Variants in PPP2R2C observed in about 807,000 individuals in gnomAD.
PPP2R2C encodes the protein protein phosphatase 2 regulatory subunit Bgamma.
PPP2R2C carries 10 observed loss-of-function variants against 45.3 expected under a neutral mutation model. The observed-to-expected ratio is 0.22, with a 90% confidence interval of 0.14 to 0.37. The LOEUF (loss-of-function observed/expected upper bound fraction) is 0.37, where lower values mean the gene tolerates loss of function less well. Ranked by LOEUF, PPP2R2C falls within the 10% of genes least tolerant of loss-of-function variation. The pLI is 1.00. For missense variants in PPP2R2C, 308 were observed against 619.7 expected, an observed-to-expected ratio of 0.50 and a Z score of 5.34; for synonymous variants, 257 against 245.4, an observed-to-expected ratio of 1.05 and a Z score of -0.44.
intron 2 of PPP2R2C, among the ~76,000 whole-genome samples, chr4:6,509,634 T>A (rs1723362620): frequency 1.3e-5 from 2 of 152,218 alleles, no homozygotes. Context: ...AGCCACCCTT[T>A]CAGAGAGCTC....
intron 1 of PPP2R2C, among the ~76,000 whole-genome samples, chr4:6,418,683 C>G (rs1487529061): frequency 6.6e-6 from 1 of 152,218 alleles, no homozygotes; most frequent in Non-Finnish European, 1.5e-5. Flanking sequence ...CAGCCAGAGT[C>G]CTGTGCTCCC....
intron 1 of PPP2R2C, among the ~76,000 whole-genome samples, chr4:6,431,501 G>A (rs1397442535): frequency 6.6e-6 from 1 of 152,174 alleles, no homozygotes; most frequent in African/African-American, 2.4e-5. Flanking sequence ...CAGTCACCCT[G>A]GTTACTTTGT....
At chr4:6,449,476 T>G (rs951867194) in intron 1 of PPP2R2C, among the ~76,000 whole-genome samples, 1 of 152,222 alleles carries the variant, frequency 6.6e-6, no homozygotes, top group African/African-American at 2.4e-5. Context: ...AAATATGTGC[T>G]GGAGAGGAGT....
At chr4:6,356,529 A>AG (rs1713208891) in intron 5 of PPP2R2C, among the ~76,000 whole-genome samples, 1 of 152,164 alleles carries the variant, frequency 6.6e-6, no homozygotes, top group South Asian at 2.1e-4. Context: ...GCCGCTTGCT[A>AG]GCTATGTGTC....
chr4:6,396,975 A>G lies in PPP2R2C; in HGVS notation c.71-15881T>C, dbSNP rs146925956. Among the ~76,000 whole-genome samples the G allele has an allele frequency of 3.2e-3, 490 of 152,000 alleles. 2 individuals carry two copies. Among genetic ancestry groups the G allele is most frequent in the South Asian group, 0.018 (87 of 4,816 alleles). ...CTGATTTCCATGCTACCCACAGTTT[A>G]ACAACTGGCTCAAAAAATTCCTAAA... On this transcript the variant is annotated intron_variant, in intron 1 of 8. Transcript: ENST00000382599.
chr4:6,541,862 A>G (rs1385562314), intron 1 of PPP2R2C, among the ~76,000 whole-genome samples: 1 of 152,150 alleles, frequency 6.6e-6, no homozygotes, highest in Admixed American at 6.5e-5. Context: ...AAAAAAAGGG[A>G]GGAGGGGAAC....
At position 6,347,964 on chromosome 4, in the gene PPP2R2C, C is replaced by A; in HGVS notation, c.672G>T (p.Val224=). Reference sequence around the variant, plus strand: ...GCGGATGGAACTCAGATGCTGTGATCACCTCCGTAAGGTCCTCCATGTTGG... The same window carrying A: ...GCGGATGGAACTCAGATGCTGTGATAACCTCCGTAAGGTCCTCCATGTTGG... ...KPANMEDLTE[V]ITASEFHPHH... is the part of the protein sequence containing the mutation. The change falls in exon 6 of 9, where the codon GTG becomes GTT. Residue 224 remains valine (V), a synonymous_variant. Transcript: ENST00000382599. 1 of 1,614,078 alleles carries A rather than the reference C, an allele frequency of 6.2e-7. No homozygotes were observed. The highest frequency in any genetic ancestry group is 8.5e-7 in the Non-Finnish European group (1 of 1,180,008).
At chr4:6,357,973 C>T (rs376897935) in intron 5 of PPP2R2C, among the ~76,000 whole-genome samples, 4 of 152,184 alleles carry the variant, frequency 2.6e-5, no homozygotes, top group Admixed American at 6.5e-5. Context: ...CTTCACAGAA[C>T]TGGAAAAAAC....
At chr4:6,374,021 T>G (rs962914810) in intron 4 of PPP2R2C, among the ~76,000 whole-genome samples, 21 of 44,314 alleles carry the variant, frequency 4.7e-4, no homozygotes, top group Non-Finnish European at 1.0e-3. Flanking sequence ...TGCCTGGGAG[T>G]TGGTGTTAGT....
In PPP2R2C at chr4:6,324,015, C is replaced by T. The variant is rs1400656733; in HGVS notation, c.1053-422G>A. ...TCACTCCCTGGAAAGGGAAACCACA[C>T]CTGCCTCTATTCCCCTGTATCTTGG... On this transcript the variant is annotated intron_variant, in intron 8 of 8. Transcript: ENST00000382599. The surrounding 1 kb of genome is among the most constrained non-coding windows in gnomAD (Gnocchi z 4.1). Among the ~76,000 whole-genome samples the T allele has an allele frequency of 6.6e-6, 1 of 152,186 alleles. No homozygotes were observed. The highest frequency in any genetic ancestry group is 1.5e-5 in the Non-Finnish European group (1 of 68,034).
intron 1 of PPP2R2C, among the ~76,000 whole-genome samples, chr4:6,537,063 C>A (rs1195041946): frequency 6.6e-6 from 1 of 151,940 alleles, no homozygotes; most frequent in South Asian, 2.1e-4. Context: ...ATTAGCCAGG[C>A]GTGGTGGTGG....
intron 5 of PPP2R2C, among the ~76,000 whole-genome samples, chr4:6,369,165 G>A (rs560104204): frequency 2.4e-4 from 37 of 152,338 alleles, no homozygotes; most frequent in African/African-American, 5.8e-4. Flanking sequence ...TGGCTATTTC[G>A]TTTGAAGTAT....
chr4:6,346,352 C>T (rs1051892625), intron 6 of PPP2R2C, among the ~76,000 whole-genome samples: 14 of 152,184 alleles, frequency 9.2e-5, no homozygotes, highest in Non-Finnish European at 1.6e-4. Flanking sequence ...CCCTCCTTCT[C>T]GAACATTCTT....
chr4:6,391,862 C>T (rs926993870), intron 1 of PPP2R2C, among the ~76,000 whole-genome samples: 3 of 152,224 alleles, frequency 2.0e-5, no homozygotes, highest in Non-Finnish European at 4.4e-5. Flanking sequence ...GCGTTTGAAT[C>T]CCACCCTGAC....
intron 6 of PPP2R2C, among the ~76,000 whole-genome samples, chr4:6,337,808 G>T (rs984514695): frequency 5.3e-5 from 6 of 113,968 alleles, no homozygotes; most frequent in Non-Finnish European, 1.4e-4. Context: ...CCCCACTGCT[G>T]GCTGTACTCG....
chr4:6,433,802 G>A (rs1232314173), intron 1 of PPP2R2C, among the ~76,000 whole-genome samples: 1 of 152,240 alleles, frequency 6.6e-6, no homozygotes, highest in Non-Finnish European at 1.5e-5. Flanking sequence ...GAGACCCACA[G>A]AGGTGAAGTA....
chr4:6,547,808 T>C (rs1244722646), intron 1 of PPP2R2C, among the ~76,000 whole-genome samples: 1 of 152,044 alleles, frequency 6.6e-6, no homozygotes, highest in Non-Finnish European at 1.5e-5. Flanking sequence ...GAAAAATTGG[T>C]TCAAAACAGA....
chr4:6,414,679 G>A (rs11724327), intron 1 of PPP2R2C, among the ~76,000 whole-genome samples: 41,168 of 151,502 alleles, frequency 0.27, 5,985 homozygotes, highest in Admixed American at 0.39. Context: ...AGAAGGGAGG[G>A]GAACTCTTGT....
At chr4:6,380,890 G>A (rs545839265) in intron 2 of PPP2R2C, 107 bp downstream of exon 2, 8 of 1,415,642 alleles carry the variant, frequency 5.7e-6, no homozygotes, top group East Asian at 5.1e-5. Context: ...ACCTCTCACC[G>A]CATCACCCCT....
Sources: allele counts gnomAD v4.1 joint callset (sites outside exome capture counted in the v4.1 genomes callset), GRCh38; gene constraint gnomAD v4.1.1; non-coding constraint Gnocchi (gnomAD v3.1); transcripts MANE v1.5; gene names NCBI Gene and HGNC (gene_info 2026-07-23, HGNC 2026-07-21).